The following TIAM1 variants were observed in gnomAD, a reference collection of about 807,000 sequenced individuals.
TIAM1 encodes the protein rho guanine nucleotide exchange factor TIAM1.
A neutral mutation model predicts 163.5 loss-of-function variants in TIAM1; 65 were observed. The ratio of observed to expected loss-of-function variants is 0.40; its 90% CI spans 0.33 to 0.49. The LOEUF (loss-of-function observed/expected upper bound fraction) is 0.49. Ranked by LOEUF, TIAM1 falls within the 20% of genes least tolerant of loss-of-function variation. TIAM1 has a pLI of 0.77. For missense variants in TIAM1, 1,789 were observed against 2,044.7 expected (o/e 0.87, Z 2.41); for synonymous variants, 833 against 810.1 (o/e 1.03, Z -0.48).
intron 23 of TIAM1, among the ~76,000 whole-genome samples, chr21:31,132,888 T>C (rs1475241762): frequency 2.0e-5 from 3 of 152,226 alleles, no homozygotes; most frequent in Non-Finnish European, 4.4e-5. Context: ...GAAGGCTATT[T>C]CTATTTTTGT....
intron 23 of TIAM1, 140 bp downstream of exon 23, chr21:31,135,793 G>C (rs2082597901): frequency 2.7e-6 from 2 of 741,994 alleles, no homozygotes; most frequent in Non-Finnish European, 4.5e-6. Context: ...TGAGATGTTG[G>C]TGGCTACGGC....
chr21:31,504,636 A>G (rs2046967931), intron 1 of TIAM1, among the ~76,000 whole-genome samples: 1 of 152,192 alleles, frequency 6.6e-6, no homozygotes, highest in Non-Finnish European at 1.5e-5. Context: ...GTAGTTCTCC[A>G]GGTCAATGTC....
intron 2 of TIAM1, among the ~76,000 whole-genome samples, chr21:31,306,284 TA>T (rs552648285): frequency 1.7e-3 from 242 of 144,004 alleles, no homozygotes; most frequent in African/African-American, 4.0e-3. Flanking sequence ...ACCCTGTCTC[TA>T]AAAAAAAAAA....
At chr21:31,294,382 G>A (rs2074152753) in intron 2 of TIAM1, among the ~76,000 whole-genome samples, 1 of 152,216 alleles carries the variant, frequency 6.6e-6, no homozygotes, top group African/African-American at 2.4e-5. Flanking sequence ...CAAGCTGAGA[G>A]TGTTGGCTTA....
chr21:31,272,687 G>C (rs1333795806), intron 3 of TIAM1, among the ~76,000 whole-genome samples: 2 of 152,114 alleles, frequency 1.3e-5, no homozygotes, highest in African/African-American at 4.8e-5. Flanking sequence ...CTAACTAACT[G>C]AATATTCTAA....
chr21:31,343,655 G>C (rs1245458910), intron 1 of TIAM1, among the ~76,000 whole-genome samples: 4 of 151,994 alleles, frequency 2.6e-5, no homozygotes, highest in Non-Finnish European at 5.9e-5. Flanking sequence ...ATATTCCTTC[G>C]GAACTTTTTT....
At chr21:31,432,697 A>T (rs1319857413) in intron 2 of TIAM1, among the ~76,000 whole-genome samples, 1 of 152,220 alleles carries the variant, frequency 6.6e-6, no homozygotes, top group African/African-American at 2.4e-5. Flanking sequence ...AAACAAACAC[A>T]GGGGTGTTAA....
intron 2 of TIAM1, among the ~76,000 whole-genome samples, chr21:31,418,918 G>C (rs1458472871): frequency 6.6e-6 from 1 of 152,174 alleles, no homozygotes; most frequent in Non-Finnish European, 1.5e-5. Context: ...CACACACTCA[G>C]GTGGCTTTGA....
rs114192554 is a variant in TIAM1, at chr21:31,238,571, T to A, written c.1584+6917A>T. 7.9e-4 allele frequency among the ~76,000 whole-genome samples: 120 copies of A among 152,294 alleles called. 1 individual carries two copies. The highest frequency in any genetic ancestry group is 2.7e-3 in the African/African-American group (114 of 41,558). ...TAAGTTAAAAAGAAAACCTTCTGATTCCACTTGAGGGTTAAAAAAAATTTT... is the reference window on the plus strand; with the variant it reads ...TAAGTTAAAAAGAAAACCTTCTGATACCACTTGAGGGTTAAAAAAAATTTT... On this transcript the variant is annotated intron_variant, in intron 6 of 27. Coordinates refer to ENST00000541036, the MANE Select transcript of TIAM1 (RefSeq NM_001353694.2).
intron 2 of TIAM1, among the ~76,000 whole-genome samples, chr21:31,374,110 T>C (rs2076645592): frequency 6.6e-6 from 1 of 152,008 alleles, no homozygotes; most frequent in Non-Finnish European, 1.5e-5. Flanking sequence ...TTAAATTCTG[T>C]ACCAATTACA....
intron 13 of TIAM1, among the ~76,000 whole-genome samples, chr21:31,194,301 C>T (rs530072086): frequency 6.6e-6 from 1 of 152,246 alleles, no homozygotes; most frequent in South Asian, 2.1e-4. Context: ...TGACCAGAGG[C>T]TGAGCTCTGT....
intron 12 of TIAM1, among the ~76,000 whole-genome samples, chr21:31,199,046 C>T (rs2086040073): frequency 6.6e-6 from 1 of 152,210 alleles, no homozygotes; most frequent in African/African-American, 2.4e-5. Context: ...TAGCTCACAT[C>T]TTCCCTTTCT....
chr21:31,309,241 T>G (rs189111162), intron 2 of TIAM1, among the ~76,000 whole-genome samples: 7 of 152,202 alleles, frequency 4.6e-5, no homozygotes, highest in African/African-American at 1.7e-4. Context: ...ACAAATCACC[T>G]GTGGTCAAGA....
Position 31,266,813 on chromosome 21 carries a change from C to A in TIAM1, c.160G>T (p.Val54Leu), listed in dbSNP as rs1477209410. 5 of 1,614,108 alleles carry A rather than the reference C, an allele frequency of 3.1e-6. No homozygotes were observed. The African/African-American group carries it at 6.7e-5, about 22-fold the overall frequency. The change falls in exon 4 of 28, where the codon GTG becomes TTG. Residue 54 changes from valine (V) to leucine (L), a missense_variant. Around this residue, in one of 5 missense-constraint regions of TIAM1, gnomAD observed 555 missense variants for 564.9 expected, o/e 0.98. Transcript: ENST00000541036. ...GGGGTGCTGCTGGATCGGGTGCTCA[C>A]TTCGGAGTTCCTGTGGATCACCTTC... ...SGKVIHRNSE[V>L]STRSSSTPSI...
At position 31,251,808 on chromosome 21, in the gene TIAM1, T is replaced by G. The variant is rs1365124965; in HGVS notation, c.1345A>C (p.Lys449Gln). The G allele has an allele frequency of 6.2e-7, 1 of 1,612,800 alleles. No homozygotes were observed. The highest frequency in any genetic ancestry group is 1.7e-5 in the Admixed American group (1 of 59,992). Residue 449 changes from lysine (K) to glutamine (Q), a missense_variant, in exon 5 of 28, where the codon AAG (lysine) becomes CAG (glutamine). Lys to Gln is a moderately conservative substitution (Grantham distance 53). This residue lies in a region of TIAM1 where 456 missense variants were observed against 586.6 expected (regional missense o/e 0.78). Coordinates refer to ENST00000541036, the MANE Select transcript of TIAM1 (RefSeq NM_001353694.2). ...ALAVKNFLVH[K>Q]KNKKVESATR... ...GCTGACTCCACCTTCTTGTTCTTCT[T>G]GTGCACCAGGAAGTTCTTGACGGCC...
At chr21:31,318,915 G>A (rs1380707978) in intron 2 of TIAM1, among the ~76,000 whole-genome samples, 1 of 152,140 alleles carries the variant, frequency 6.6e-6, no homozygotes, top group African/African-American at 2.4e-5. Context: ...TCAGGCTGGA[G>A]TGCAGTAGCG....
chr21:31,213,177 G>C (rs2086977837), intron 10 of TIAM1: 1 of 470,576 alleles, frequency 2.1e-6, no homozygotes, highest in Non-Finnish European at 3.7e-6. Context: ...TGGTAAGTAT[G>C]GGAAATGTTA....
chr21:31,420,642 A>G (rs969877118), intron 2 of TIAM1, among the ~76,000 whole-genome samples: 1 of 152,196 alleles, frequency 6.6e-6, no homozygotes, highest in South Asian at 2.1e-4. Context: ...GTTTTAACCA[A>G]GTGTGTATTT....
intron 2 of TIAM1, among the ~76,000 whole-genome samples, chr21:31,434,352 G>T (rs2044139867): frequency 6.6e-6 from 1 of 152,174 alleles, no homozygotes; most frequent in Non-Finnish European, 1.5e-5. Flanking sequence ...ATCTGCCCCA[G>T]TGTCCCGGCT....
Sources: allele counts gnomAD v4.1 joint callset (sites outside exome capture counted in the v4.1 genomes callset), GRCh38; gene constraint gnomAD v4.1.1; regional missense constraint gnomAD v4.1.1; transcripts MANE v1.5; gene names NCBI Gene and HGNC (gene_info 2026-07-23, HGNC 2026-07-21).